The following LMBR1 variants were observed in gnomAD, a reference collection of about 807,000 sequenced individuals.
The protein encoded by LMBR1 is limb region 1 protein homolog.
LMBR1 carries 52 observed loss-of-function variants against 73.9 expected under a neutral mutation model. The ratio of observed to expected loss-of-function variants is 0.70; its 90% CI spans 0.56 to 0.89. LMBR1 has a LOEUF of 0.89. LMBR1 is among the 40% of genes least tolerant of loss of function. LMBR1 has a pLI of 0.00. For missense variants in LMBR1, 539 were observed against 579.8 expected (o/e 0.93, Z 0.72); for synonymous variants, 215 against 209.4 (o/e 1.03, Z -0.23).
intron 5 of LMBR1, among the ~76,000 whole-genome samples, chr7:156,781,628 CCTTT>C (rs1486977656): frequency 5.9e-5 from 9 of 152,048 alleles, no homozygotes; most frequent in Non-Finnish European, 1.5e-5. Context: ...CACCCTTTTC[CCTTT>C]CTATTTTAAA....
At position 156,763,191 on chromosome 7, in the gene LMBR1, T is replaced by G. The variant is rs1823438604; in HGVS notation, c.551-15A>C. 1.7e-6 allele frequency: 2 copies of G among 1,146,808 alleles called. No homozygotes were observed. The highest frequency in any genetic ancestry group is 2.6e-5 in the East Asian group (1 of 38,738). 71.0% of individuals were successfully genotyped at this position (1,146,808 alleles called of 1,614,324 possible). A position where few individuals can be genotyped will look rare whatever the true frequency, so the allele number is the denominator to read the frequency against. On this transcript the variant is annotated splice_polypyrimidine_tract_variant and intron_variant, in intron 6 of 16. Coordinates refer to ENST00000353442, the MANE Select transcript of LMBR1 (RefSeq NM_022458.4). ...CTCCCAGAGATCTATTAAAAAAAAG[T>G]AAATATATTTTAATAAATCCAAAAT...
At chr7:156,857,938 C>T (rs919194077) in intron 1 of LMBR1, among the ~76,000 whole-genome samples, 3 of 151,470 alleles carry the variant, frequency 2.0e-5, no homozygotes, top group African/African-American at 7.3e-5. Flanking sequence ...GTGTGAGATG[C>T]AGCAAAAGCA....
chr7:156,698,629 C>T (rs1053169544), intron 15 of LMBR1, among the ~76,000 whole-genome samples: 1 of 152,186 alleles, frequency 6.6e-6, no homozygotes, highest in African/African-American at 2.4e-5. Context: ...TGTACCCTGG[C>T]CCTTTAGTCA....
intron 1 of LMBR1, among the ~76,000 whole-genome samples, chr7:156,884,914 G>A (rs1207246831): frequency 6.6e-6 from 1 of 152,204 alleles, no homozygotes; most frequent in African/African-American, 2.4e-5. Context: ...AGAGTTGAGG[G>A]CAAGACACCA....
At chr7:156,808,336 G>A (rs949220007) in intron 4 of LMBR1, among the ~76,000 whole-genome samples, 9 of 152,202 alleles carry the variant, frequency 5.9e-5, no homozygotes, top group South Asian at 2.1e-4. Context: ...ACTTCAACAT[G>A]ATGAAATGAT....
intron 1 of LMBR1, among the ~76,000 whole-genome samples, chr7:156,873,765 G>C (rs532066858): frequency 6.6e-6 from 1 of 150,690 alleles, no homozygotes; most frequent in African/African-American, 2.4e-5. Context: ...TACAATCCCT[G>C]AGCTAGACAT....
At position 156,833,787 on chromosome 7, in the gene LMBR1, G is replaced by C; in HGVS notation, c.145C>G (p.Gln49Glu). The change falls in exon 3 of 17, where the codon CAA (glutamine) becomes GAA (glutamate). Residue 49 changes from glutamine (Q) to glutamate (E), a missense_variant. By Grantham distance (29) the Gln-to-Glu change is conservative. This residue lies in a region of LMBR1 where 454 missense variants were observed against 473.4 expected (regional missense o/e 0.96). Transcript: ENST00000353442. ...ITRYKRKSDE[Q>E]EDEDAIVNRI... ...TTGACGATGGCATCTTCATCTTCTTGTTCATCTGCAAAAATGTTTAAGGTA... is the reference window on the plus strand; with the variant it reads ...TTGACGATGGCATCTTCATCTTCTTCTTCATCTGCAAAAATGTTTAAGGTA... The C allele has an allele frequency of 1.9e-6, 3 of 1,588,476 alleles. No individual in the cohort carries two copies. The highest frequency in any genetic ancestry group is 2.6e-6 in the Non-Finnish European group (3 of 1,165,960).
intron 4 of LMBR1, among the ~76,000 whole-genome samples, chr7:156,811,795 C>A (rs1833142121): frequency 6.6e-6 from 1 of 152,162 alleles, no homozygotes; most frequent in Admixed American, 6.5e-5. Flanking sequence ...TGGCTTCAAG[C>A]AACAGAAATC....
intron 9 of LMBR1, among the ~76,000 whole-genome samples, chr7:156,739,755 G>T (rs557055683): frequency 6.6e-6 from 1 of 152,100 alleles, no homozygotes; most frequent in Non-Finnish European, 1.5e-5. Flanking sequence ...TTGAATATCC[G>T]GAAAGCCTTC....
chr7:156,824,478 T>C (rs757343176), intron 4 of LMBR1, among the ~76,000 whole-genome samples: 1 of 152,232 alleles, frequency 6.6e-6, no homozygotes, highest in African/African-American at 2.4e-5. Flanking sequence ...ATGAACATAA[T>C]AGCAATGAAA....
rs1007519966 is a variant in LMBR1 at position 156,775,199 on chromosome 7, C to T, written c.424-11404G>A. On this transcript the variant is annotated intron_variant, in intron 5 of 16. Coordinates refer to ENST00000353442, the MANE Select transcript of LMBR1 (RefSeq NM_022458.4). ...CCTGGCCAACATGGAGAAACCCCAT[C>T]TCTACGGAAAATTCAAAAATTAGCT... 2.6e-5 allele frequency among the ~76,000 whole-genome samples: 4 copies of T among 151,944 alleles called. No homozygotes were observed. The East Asian group carries it at 7.8e-4, about 29-fold the overall frequency.
At chr7:156,673,668 G>A (rs1803110075), downstream of LMBR1, among the ~76,000 whole-genome samples, 1 of 152,150 alleles carries the variant, frequency 6.6e-6, no homozygotes. Context: ...ACTGCCTGCT[G>A]TGTTCACAGA....
chr7:156,745,548 C>T (rs938004417), intron 9 of LMBR1, among the ~76,000 whole-genome samples: 1 of 152,188 alleles, frequency 6.6e-6, no homozygotes, highest in Non-Finnish European at 1.5e-5. Flanking sequence ...TCTCTAGGTG[C>T]AAAGAGTGGT....
At chr7:156,883,034 G>GA (rs34681713) in intron 1 of LMBR1, among the ~76,000 whole-genome samples, 1 of 149,428 alleles carries the variant, frequency 6.7e-6, no homozygotes, top group African/African-American at 2.5e-5. Context: ...GACTCTGACT[G>GA]AAAAAAAAAA....
intron 1 of LMBR1, among the ~76,000 whole-genome samples, chr7:156,873,952 T>C (rs1799741976): frequency 6.6e-6 from 1 of 152,238 alleles, no homozygotes; most frequent in African/African-American, 2.4e-5. Context: ...CCCAGTGGAT[T>C]CCGCACTAGG....
intron 5 of LMBR1, among the ~76,000 whole-genome samples, chr7:156,792,946 C>T (rs1829482753): frequency 6.6e-6 from 1 of 151,794 alleles, no homozygotes; most frequent in Admixed American, 6.6e-5. Flanking sequence ...TTTTACTTAA[C>T]CATATTACAA....
intron 15 of LMBR1, among the ~76,000 whole-genome samples, chr7:156,720,062 A>G (rs1271656029): frequency 6.6e-6 from 1 of 151,892 alleles, no homozygotes; most frequent in Non-Finnish European, 1.5e-5. Flanking sequence ...CTTCATGTCT[A>G]AAACACCAAA....
intron 15 of LMBR1, among the ~76,000 whole-genome samples, chr7:156,702,749 T>A (rs1237004428): frequency 6.6e-6 from 1 of 152,226 alleles, no homozygotes. Flanking sequence ...AAGAAAAATG[T>A]TTTTTGATAT....
Position 156,725,829 on chromosome 7 carries a change from T to G in LMBR1, c.1002A>C (p.Gly334=), listed in dbSNP as rs748982163. ...ACGTAGAAAGAGAGGCATTTCCTAT[T>G]CCAGGCCCCTGGGGTGGGAGAAAGA... ...TAMPKGTRGP[G]IGNASLSTFG... Residue 334 remains glycine, a synonymous_variant, in exon 13 of 17, where the codon GGA becomes GGC. Coordinates refer to ENST00000353442, the MANE Select transcript of LMBR1 (RefSeq NM_022458.4). The G allele has an allele frequency of 1.4e-5, 23 of 1,613,318 alleles. No homozygotes were observed. In the Admixed American group the frequency reaches 2.7e-4, roughly 19 times the overall value.
Sources: gnomAD v4.1 joint callset for allele counts (sites outside exome capture counted in the v4.1 genomes callset) on GRCh38, gnomAD v4.1.1 for gene constraint, gnomAD v4.1.1 regional missense constraint, MANE v1.5 for transcripts, NCBI Gene and HGNC (gene_info 2026-07-23, HGNC 2026-07-21) for gene names.